Variants in LIPC observed in about 807,000 individuals in gnomAD.
The protein encoded by LIPC is lipase C, hepatic type, also known as hepatic triacylglycerol lipase.
Under a neutral mutation model 50.7 loss-of-function variants are expected in LIPC, and 44 were observed. The ratio of observed to expected loss-of-function variants is 0.87; its 90% CI spans 0.68 to 1.11. LIPC has a LOEUF of 1.11. Among genes scored for constraint, LIPC ranks in the 50% most tolerant of loss-of-function variants. The pLI is 0.00. For missense variants in LIPC, 697 were observed against 648.2 expected, an observed-to-expected ratio of 1.08 and a Z score of -0.82; for synonymous variants, 271 against 256.4, an observed-to-expected ratio of 1.06 and a Z score of -0.54.
intron 3 of LIPC, 99 bp downstream of exon 3, chr15:58,542,066 G>C (rs1893350402): frequency 7.6e-7 from 1 of 1,321,790 alleles, no homozygotes; most frequent in Non-Finnish European, 1.0e-6. Flanking sequence ...GCCCAGGCAG[G>C]AGAAGCACTA....
chr15:58,483,640 A>T (rs1891266200), intron 1 of LIPC, among the ~76,000 whole-genome samples: 1 of 152,160 alleles, frequency 6.6e-6, no homozygotes, highest in South Asian at 2.1e-4. Context: ...TACTTCATCT[A>T]TTTTCTAAGT....
In LIPC at chr15:58,548,470, A is replaced by G. The variant is rs528620454; in HGVS notation, c.949A>G (p.Lys317Glu). The G allele has an allele frequency of 5.0e-6, 8 of 1,612,724 alleles. No homozygotes were observed. In the South Asian group the frequency reaches 8.8e-5, roughly 18 times the overall value. ...SFSQGLCLSC[K>E]KGRCNTLGYH... is the part of the protein sequence containing the mutation. ...CAGCCAGGGCCTGTGCCTGAGCTGC[A>G]AGAAGGGCCGCTGCAACACGCTGGG... Residue 317 changes from lysine to glutamate, a missense_variant, in exon 6 of 9, where the codon AAG (lysine) becomes GAG (glutamate). Physicochemically the swap from Lys to Glu is moderately conservative, Grantham distance 56. Coordinates refer to ENST00000299022, the MANE Select transcript of LIPC (RefSeq NM_000236.3).
intron 1 of LIPC, among the ~76,000 whole-genome samples, chr15:58,479,302 A>G (rs1399941368): frequency 1.1e-4 from 16 of 152,266 alleles, no homozygotes; most frequent in African/African-American, 3.9e-4. Flanking sequence ...ACAGTAGGAA[A>G]GGTAATGTTG....
At chr15:58,522,992 G>A (rs1892699987) in intron 1 of LIPC, 1 of 152,296 alleles carries the variant, frequency 6.6e-6, no homozygotes, top group African/African-American at 2.4e-5. Flanking sequence ...AGCCCAGATG[G>A]ACCGGCTGCT....
intron 1 of LIPC, among the ~76,000 whole-genome samples, chr15:58,442,032 A>G (rs1157352432): frequency 2.0e-5 from 3 of 152,150 alleles, no homozygotes; most frequent in Non-Finnish European, 4.4e-5. Context: ...GTTTTCGTGT[A>G]GTCTCTCCCA....
intron 1 of LIPC, among the ~76,000 whole-genome samples, chr15:58,514,853 A>G (rs1892438197): frequency 6.6e-6 from 1 of 152,248 alleles, no homozygotes; most frequent in South Asian, 2.1e-4. Context: ...ATAAGGCTGC[A>G]TATCGGTTTC....
chr15:58,493,708 G>C (rs1199928167), intron 1 of LIPC, among the ~76,000 whole-genome samples: 1 of 145,836 alleles, frequency 6.9e-6, no homozygotes, highest in African/African-American at 2.6e-5. Flanking sequence ...ACAAAATTTT[G>C]TATATATTTG....
intron 1 of LIPC, among the ~76,000 whole-genome samples, chr15:58,461,144 A>G (rs1481819019): frequency 2.0e-5 from 3 of 152,188 alleles, no homozygotes; most frequent in Non-Finnish European, 4.4e-5. Context: ...CCCAGGAAAC[A>G]CTTCAAAGGA....
At chr15:58,483,105 A>G (rs543603451) in intron 1 of LIPC, among the ~76,000 whole-genome samples, 1 of 152,314 alleles carries the variant, frequency 6.6e-6, no homozygotes, top group African/African-American at 2.4e-5. Flanking sequence ...TATAGAACAC[A>G]CTAAATTCTT....
intron 1 of LIPC, among the ~76,000 whole-genome samples, chr15:58,533,659 A>C (rs1293992583): frequency 6.6e-6 from 1 of 152,214 alleles, no homozygotes. Flanking sequence ...AATGATAATG[A>C]TAAGTGAAGA....
intron 1 of LIPC, among the ~76,000 whole-genome samples, chr15:58,520,888 G>T (rs1353177523): frequency 1.3e-5 from 2 of 152,148 alleles, no homozygotes; most frequent in Non-Finnish European, 2.9e-5. Flanking sequence ...TAAAGACTGA[G>T]TTATAAGGCT....
intron 6 of LIPC, among the ~76,000 whole-genome samples, chr15:58,556,395 CT>C (rs1330281205): frequency 6.7e-4 from 102 of 152,180 alleles, no homozygotes; most frequent in Non-Finnish European, 1.2e-3. Flanking sequence ...TTCTAGTTCT[CT>C]TTTTTTTCCT....
At chr15:58,509,162 T>TGGGAAATA (rs1199292441) in intron 1 of LIPC, among the ~76,000 whole-genome samples, 1 of 152,244 alleles carries the variant, frequency 6.6e-6, no homozygotes, top group Non-Finnish European at 1.5e-5. Flanking sequence ...CAGTGTTGTC[T>TGGGAAATA]GGGAAATACA....
At chr15:58,532,839 G>C (rs1209252426) in intron 1 of LIPC, among the ~76,000 whole-genome samples, 1 of 152,162 alleles carries the variant, frequency 6.6e-6, no homozygotes, top group Non-Finnish European at 1.5e-5. Flanking sequence ...ATTTCTTCTT[G>C]TATGAAATAT....
intron 8 of LIPC, 136 bp from the exon 9 acceptor site, chr15:58,568,580 G>C: frequency 1.5e-6 from 1 of 661,456 alleles, no homozygotes; most frequent in Non-Finnish European, 2.7e-6. Flanking sequence ...AAAAATATTT[G>C]CGAACATAAG....
chr15:58,515,531 C>CATATATATAT (rs1404479015), intron 1 of LIPC, among the ~76,000 whole-genome samples: 1 of 42,670 alleles, frequency 2.3e-5, no homozygotes, highest in African/African-American at 7.4e-5. Flanking sequence ...CATATACACA[C>CATATATATAT]ACATATATAT....
rs536372958 is a variant in LIPC, at chr15:58,482,276, C to A, written c.88+50156C>A. Among the ~76,000 whole-genome samples the A allele has an allele frequency of 2.2e-3, 330 of 152,248 alleles. 3 individuals carry two copies. The highest frequency in any genetic ancestry group is 7.8e-3 in the African/African-American group (323 of 41,538). On this transcript the variant is annotated intron_variant, in intron 1 of 8. Transcript: ENST00000299022. ...CTGCCCTTTTTAGAGACAGTCCATG[C>A]ATTGCAGAGATTTTCTTTTAAAATA...
intron 1 of LIPC, among the ~76,000 whole-genome samples, chr15:58,446,783 G>T (rs143578599): frequency 2.0e-5 from 3 of 152,154 alleles, no homozygotes; most frequent in African/African-American, 7.2e-5. Context: ...CATGGAGCAG[G>T]CACGTGGCAA....
chr15:58,435,743 C>T (rs1419783443), intron 1 of LIPC: 8 of 152,194 alleles, frequency 5.3e-5, no homozygotes, highest in African/African-American at 1.9e-4. Context: ...AATGCCATCT[C>T]TACTAAAAAT....
Sources: allele counts gnomAD v4.1 joint callset (sites outside exome capture counted in the v4.1 genomes callset), GRCh38; gene constraint gnomAD v4.1.1; transcripts MANE v1.5; gene names NCBI Gene and HGNC (gene_info 2026-07-23, HGNC 2026-07-21).